ZSCAN4: variants seen among roughly 807,000 people sequenced by gnomAD.
ZSCAN4 encodes zinc finger and SCAN domain containing 4, also known as zinc finger and SCAN domain-containing protein 4.
In ZSCAN4, 18 loss-of-function variants were observed where a neutral mutation model predicts 18.3. The ratio of observed to expected loss-of-function variants is 0.98; its 90% CI spans 0.68 to 1.46. ZSCAN4 has a LOEUF of 1.46. ZSCAN4 is among the 40% of genes most tolerant of loss of function. ZSCAN4 has a pLI of 0.00. For missense variants in ZSCAN4, 498 were observed against 511.4 expected (o/e 0.97, Z 0.25); for synonymous variants, 193 against 180.3 (o/e 1.07, Z -0.57).
Position 57,676,474 on chromosome 19 carries a change from CAA to C in ZSCAN4, c.330_331del (p.Ser111TrpfsTer13). On this transcript the variant is annotated frameshift_variant, in exon 3 of 5. Coordinates refer to ENST00000318203, the Ensembl canonical transcript of ZSCAN4. LOFTEE classifies it high-confidence loss of function. ...GCCAGTGTGAAAGAGAAATGGAAAT[CAA>C]GTGGCAAAAACTTGGAGAGATTCAT... 1.2e-6 allele frequency: 2 copies of C among 1,614,088 alleles called. No individual in the cohort carries two copies. The highest frequency in any genetic ancestry group is 4.5e-5 in the East Asian group (2 of 44,866).
chr19:57,672,079 G>T (rs1400110262), intron 2 of ZSCAN4, among the ~76,000 whole-genome samples: 1 of 152,154 alleles, frequency 6.6e-6, no homozygotes, highest in African/African-American at 2.4e-5. Context: ...ATTTCAAAGG[G>T]TGTGTCTCTA....
At chr19:57,663,978 A>T (rs145683241), upstream of ZSCAN4, among the ~76,000 whole-genome samples, 1 of 151,654 alleles carries the variant, frequency 6.6e-6, no homozygotes, top group Non-Finnish European at 1.5e-5. Context: ...AACACCAAAA[A>T]ACAATTAGCC....
At chr19:57,658,495 A>C in the ZSCAN4 span, among the ~76,000 whole-genome samples, 2 of 152,162 alleles carry the variant, frequency 1.3e-5, no homozygotes, top group African/African-American at 4.8e-5. Flanking sequence ...AAATTTGTTT[A>C]AGGAAAATAA....
upstream of ZSCAN4, among the ~76,000 whole-genome samples, chr19:57,667,249 C>T (rs1328688336): frequency 6.6e-6 from 1 of 152,166 alleles, no homozygotes. Flanking sequence ...ATCTGTGTTT[C>T]CCCAAGGATA....
chr19:57,671,031 T>G, intron 2 of ZSCAN4, among the ~76,000 whole-genome samples: 1 of 152,048 alleles, frequency 6.6e-6, no homozygotes, highest in East Asian at 1.9e-4. Flanking sequence ...CAGGTTAATT[T>G]TTCTATTTTT....
the ZSCAN4 span, among the ~76,000 whole-genome samples, chr19:57,659,746 G>A: frequency 6.6e-6 from 1 of 152,076 alleles, no homozygotes; most frequent in African/African-American, 2.4e-5. Context: ...AAAGCGGCCA[G>A]GAATCCAGCA....
chr19:57,658,810 G>C, the ZSCAN4 span, among the ~76,000 whole-genome samples: 2 of 148,076 alleles, frequency 1.4e-5, no homozygotes, highest in Non-Finnish European at 3.0e-5. Context: ...CTCCAGCCTG[G>C]GCAGCAGAGT....
upstream of ZSCAN4, among the ~76,000 whole-genome samples, chr19:57,667,621 C>T (rs1469292813): frequency 6.6e-6 from 1 of 152,218 alleles, no homozygotes; most frequent in African/African-American, 2.4e-5. Context: ...TTACTGATAT[C>T]ATCGTGCCTC....
upstream of ZSCAN4, among the ~76,000 whole-genome samples, chr19:57,667,862 C>T (rs1983897221): frequency 6.8e-6 from 1 of 147,106 alleles, no homozygotes. Context: ...CTCACATTGT[C>T]TACATTTTTC....
chr19:57,662,899 T>C, the ZSCAN4 span, among the ~76,000 whole-genome samples: 1 of 151,664 alleles, frequency 6.6e-6, no homozygotes, highest in Non-Finnish European at 1.5e-5. Flanking sequence ...TTGTTGTTGT[T>C]GTTTAACAGG....
upstream of ZSCAN4, chr19:57,664,898 T>A (rs1179614350): frequency 1.3e-5 from 2 of 157,316 alleles, no homozygotes; most frequent in African/African-American, 4.8e-5. Flanking sequence ...AAAAGGAAAG[T>A]CCTTTTCCAG....
chr19:57,675,916 T>C (rs1467528080), intron 2 of ZSCAN4, 125 bp from the exon 3 acceptor site: 1 of 441,112 alleles, frequency 2.3e-6, no homozygotes, highest in African/African-American at 2.0e-5. Context: ...CTGGGAGAGT[T>C]TATGTTAAGT....
At chr19:57,675,405 C>T (rs1223030145) in intron 2 of ZSCAN4, among the ~76,000 whole-genome samples, 1 of 152,050 alleles carries the variant, frequency 6.6e-6, no homozygotes, top group Non-Finnish European at 1.5e-5. Context: ...GCCTCAGCCT[C>T]CCAAAGTGTT....
At chr19:57,655,088 T>C in the ZSCAN4 span, among the ~76,000 whole-genome samples, 1 of 152,182 alleles carries the variant, frequency 6.6e-6, no homozygotes, top group African/African-American at 2.4e-5. Context: ...TTACCTACCT[T>C]GGACTTATCC....
chr19:57,678,868 C>T (rs971933819), exon 5 of ZSCAN4: 1 of 1,610,858 alleles, frequency 6.2e-7, no homozygotes, highest in Non-Finnish European at 8.5e-7. Context: ...GAGAAAATTA[C>T]CCTGCCAAGT....
intron 2 of ZSCAN4, among the ~76,000 whole-genome samples, chr19:57,672,404 G>A (rs1984050066): frequency 6.6e-6 from 1 of 152,004 alleles, no homozygotes; most frequent in African/African-American, 2.4e-5. Flanking sequence ...TCATTTGTAT[G>A]GATTCTGGCT....
intron 2 of ZSCAN4, among the ~76,000 whole-genome samples, chr19:57,674,135 G>T (rs115279388): frequency 0.022 from 3,324 of 152,290 alleles, 135 homozygotes; most frequent in African/African-American, 0.076. Context: ...CATTGTAATA[G>T]ACATCTCCCT....
Position 57,678,029 on chromosome 19 carries a change from TG to T in ZSCAN4, c.516del (p.Thr173HisfsTer11). ...GCCCAAACCACAAGAGAAGCAAACA[TG>T]GGGACACCCTCCCAGACTTCCCAAG... On this transcript the variant is annotated frameshift_variant, in exon 4 of 5. Transcript: ENST00000318203. LOFTEE classifies it low-confidence loss of function (END_TRUNC). 1 of 1,596,510 alleles carries T rather than the reference TG, an allele frequency of 6.3e-7. No homozygotes were observed. The highest frequency in any genetic ancestry group is 8.5e-7 in the Non-Finnish European group (1 of 1,173,904).
chr19:57,671,748 T>G (rs1984030038), intron 2 of ZSCAN4, among the ~76,000 whole-genome samples: 1 of 152,190 alleles, frequency 6.6e-6, no homozygotes, highest in Non-Finnish European at 1.5e-5. Context: ...AAGGCAAGAA[T>G]GTGTTCCATT....
Sources: allele counts gnomAD v4.1 joint callset (sites outside exome capture counted in the v4.1 genomes callset), GRCh38; gene constraint gnomAD v4.1.1; transcripts MANE v1.5; gene names NCBI Gene and HGNC (gene_info 2026-07-23, HGNC 2026-07-21).